Variants in MACROD2 observed in about 807,000 individuals in gnomAD.
The protein encoded by MACROD2 is mono-ADP ribosylhydrolase 2.
MACROD2 carries 36 observed loss-of-function variants against 70.4 expected under a neutral mutation model. That is an observed-to-expected ratio of 0.51 (90% CI 0.39 to 0.68). The LOEUF is 0.68. Among genes scored for constraint, MACROD2 ranks in the 30% least tolerant of loss-of-function variants. MACROD2 has a pLI of 0.00. For missense variants in MACROD2, 496 were observed against 538.4 expected (o/e 0.92, Z 0.78); for synonymous variants, 172 against 178.8 (o/e 0.96, Z 0.30).
intron 5 of MACROD2, among the ~76,000 whole-genome samples, chr20:14,746,464 TA>T (rs1600618773): frequency 6.6e-6 from 1 of 152,186 alleles, no homozygotes; most frequent in African/African-American, 2.4e-5. Flanking sequence ...TATCTAAGGT[TA>T]AAAAATTTAC....
chr20:14,388,431 A>T (rs968523516), intron 3 of MACROD2, among the ~76,000 whole-genome samples: 1 of 152,228 alleles, frequency 6.6e-6, no homozygotes, highest in Admixed American at 6.5e-5. Context: ...TTGATTTTAC[A>T]AAACTTTATT....
chr20:14,763,331 A>G (rs1432423809), intron 5 of MACROD2, among the ~76,000 whole-genome samples: 1 of 152,150 alleles, frequency 6.6e-6, no homozygotes, highest in Non-Finnish European at 1.5e-5. Flanking sequence ...GAAACCCTGG[A>G]GACAAAGCTG....
rs567757831 is a variant in MACROD2, at chr20:14,554,733, T to C, written c.301+61225T>C. Among the ~76,000 whole-genome samples the C allele has an allele frequency of 1.1e-4, 17 of 152,262 alleles. No individual in the cohort carries two copies. The South Asian group carries it at 3.5e-3, about 32-fold the overall frequency. ...TTGTACACATTATTCTAAAATTCCT[T>C]TTAGTCCTTAAACAACTCTCAGGGG... is the stretch of plus-strand genomic sequence containing the variant. On this transcript the variant is annotated intron_variant, in intron 4 of 17. Transcript: ENST00000684519.
intron 6 of MACROD2, among the ~76,000 whole-genome samples, chr20:15,281,586 C>T (rs1412533679): frequency 6.6e-6 from 1 of 152,234 alleles, no homozygotes; most frequent in African/African-American, 2.4e-5. Context: ...TCCTTTAACT[C>T]CATGTCTCAC....
At chr20:15,523,539 A>C (rs1285819338) in intron 8 of MACROD2, among the ~76,000 whole-genome samples, 1 of 151,972 alleles carries the variant, frequency 6.6e-6, no homozygotes, top group African/African-American at 2.4e-5. Flanking sequence ...TAGGGAAAGA[A>C]GCTGCACACA....
rs181181510 is a variant in MACROD2 at position 14,013,724 on chromosome 20, A to G, written c.163+11320A>G. Among the ~76,000 whole-genome samples, 351 of 104,944 alleles carry G rather than the reference A, an allele frequency of 3.3e-3. 1 individual carries two copies. The highest frequency in any genetic ancestry group is 0.013 in the African/African-American group (336 of 26,226). The allele number at this position is 104,944 out of a possible 152,430, so 68.8% of individuals were successfully genotyped here. On this transcript the variant is annotated intron_variant, in intron 2 of 17. Transcript: ENST00000684519. The stretch of plus-strand genomic sequence containing the variant: ...AGACGGAGTTTCGCTCTTGTTGCCC[A>G]GGCTGGAGTGCCATGGCACTTGACC...
At chr20:15,506,425 A>G (rs943374658) in intron 8 of MACROD2, among the ~76,000 whole-genome samples, 2 of 152,248 alleles carry the variant, frequency 1.3e-5, no homozygotes. Context: ...GATCGAGAAC[A>G]CAGCCACTTG....
intron 2 of MACROD2, among the ~76,000 whole-genome samples, chr20:14,038,090 T>G (rs2053341921): frequency 6.6e-6 from 1 of 152,168 alleles, no homozygotes; most frequent in Non-Finnish European, 1.5e-5. Context: ...CGTCAGGAGT[T>G]TGAGACCAGC....
chr20:15,481,664 A>G (rs1284531823), intron 7 of MACROD2, among the ~76,000 whole-genome samples: 1 of 151,858 alleles, frequency 6.6e-6, no homozygotes, highest in Non-Finnish European at 1.5e-5. Flanking sequence ...TTGTATAGCT[A>G]AAGTCATAGA....
intron 4 of MACROD2, among the ~76,000 whole-genome samples, chr20:14,643,907 AT>A (rs918997185): frequency 3.3e-5 from 5 of 152,004 alleles, no homozygotes; most frequent in African/African-American, 9.7e-5. Flanking sequence ...GATGGATAGA[AT>A]TTTTTTTAAA....
At chr20:15,232,633 A>T (rs2076968802) in intron 6 of MACROD2, among the ~76,000 whole-genome samples, 1 of 152,086 alleles carries the variant, frequency 6.6e-6, no homozygotes, top group African/African-American at 2.4e-5. Context: ...CAAATATAAG[A>T]TGTTTTCACA....
rs34234600 is a variant in MACROD2 at position 15,663,232 on chromosome 20, ATTTTT to A, written c.645+163402_645+163406del. Among the ~76,000 whole-genome samples, 630 of 129,768 alleles carry A rather than the reference ATTTTT, an allele frequency of 4.9e-3. 3 individuals carry two copies. The highest frequency in any genetic ancestry group is 0.015 in the South Asian group (59 of 3,994). The allele number at this position is 129,768 out of a possible 152,430, so 85.1% of individuals were successfully genotyped here. On this transcript the variant is annotated intron_variant, in intron 8 of 17. Transcript: ENST00000684519. ...GTTTCTCAAGAGAAGTCAGAATTTG[ATTTTT>A]TTTTTTTTTTTTTTTTGAGACAGAG...
chr20:15,332,638 TCATGAGAC>T (rs2094207418), intron 6 of MACROD2, among the ~76,000 whole-genome samples: 1 of 151,466 alleles, frequency 6.6e-6, no homozygotes, highest in African/African-American at 2.4e-5. Flanking sequence ...AAGAGGCCTT[TCATGAGAC>T]GATATATGAC....
At chr20:15,284,526 T>C (rs932784038) in intron 6 of MACROD2, among the ~76,000 whole-genome samples, 2 of 152,178 alleles carry the variant, frequency 1.3e-5, no homozygotes, top group African/African-American at 4.8e-5. Context: ...GAAATCTATT[T>C]TTCTCTCTTT....
chr20:14,000,603 G>A (rs1406244346), intron 1 of MACROD2, among the ~76,000 whole-genome samples: 1 of 152,198 alleles, frequency 6.6e-6, no homozygotes, highest in African/African-American at 2.4e-5. Flanking sequence ...CTACATCGTG[G>A]AGACCATTGG....
intron 5 of MACROD2, among the ~76,000 whole-genome samples, chr20:14,983,642 C>T (rs914937580): frequency 6.6e-6 from 1 of 152,164 alleles, no homozygotes; most frequent in Non-Finnish European, 1.5e-5. Flanking sequence ...TCACCTTCCA[C>T]CATGATTGTG....
At position 14,059,135 on chromosome 20, in the gene MACROD2, A is replaced by C. The variant is rs543004374; in HGVS notation, c.164-26486A>C. On this transcript the variant is annotated intron_variant, in intron 2 of 17. Coordinates refer to ENST00000684519, the MANE Select transcript of MACROD2 (RefSeq NM_001351661.2). ...AATTAACACTATTAAAGATACATTA[A>C]TTTCCCCAGTTTAAGGTGAAACAAT... Among the ~76,000 whole-genome samples, 666 of 152,256 alleles carry C rather than the reference A, an allele frequency of 4.4e-3. 1 individual carries two copies. The highest frequency in any genetic ancestry group is 7.9e-3 in the Non-Finnish European group (536 of 68,016).
At chr20:15,234,021 T>TGTTTGTTTG (rs1568657601) in intron 6 of MACROD2, among the ~76,000 whole-genome samples, 4 of 15,658 alleles carry the variant, frequency 2.6e-4, no homozygotes, top group African/African-American at 1.1e-3. Flanking sequence ...TCTTTTTTTT[T>TGTTTGTTTG]TTTTTTTTTT....
chr20:15,688,172 T>C (rs1156743719), intron 8 of MACROD2, among the ~76,000 whole-genome samples: 1 of 152,240 alleles, frequency 6.6e-6, no homozygotes, highest in African/African-American at 2.4e-5. Context: ...GGTGAACAGC[T>C]GATTGCCATA....
Sources: allele counts gnomAD v4.1 joint callset (sites outside exome capture counted in the v4.1 genomes callset), GRCh38; gene constraint gnomAD v4.1.1; transcripts MANE v1.5; gene names NCBI Gene and HGNC (gene_info 2026-07-23, HGNC 2026-07-21).